The following MYH16 variants were observed in gnomAD, a reference collection of about 807,000 sequenced individuals.
MYH16 encodes putative uncharacterized protein MYH16.
At chr7:99,271,319 G>A (rs796851444) in intron 19 of MYH16, among the ~76,000 whole-genome samples, 1 of 152,302 alleles carries the variant, frequency 6.6e-6, no homozygotes, top group African/African-American at 2.4e-5. Flanking sequence ...GACCAGCCTG[G>A]CCAACATGGT....
chr7:99,250,088 G>C (rs73709615), intron 5 of MYH16: 1 of 152,792 alleles, frequency 6.5e-6, no homozygotes, highest in Admixed American at 6.5e-5. Context: ...AGAGCCGACC[G>C]GGTGGGCCCA....
chr7:99,276,789 G>A (rs559680749), intron 20 of MYH16, among the ~76,000 whole-genome samples: 13 of 152,246 alleles, frequency 8.5e-5, no homozygotes, highest in African/African-American at 2.9e-4. Context: ...GAGAGAGAGA[G>A]GGAGAGTAAG....
intron 5 of MYH16, among the ~76,000 whole-genome samples, chr7:99,250,334 C>T (rs1791795194): frequency 6.6e-6 from 1 of 152,180 alleles, no homozygotes; most frequent in South Asian, 2.1e-4. Context: ...GCCCCTTGTT[C>T]TTGGCAGAGG....
chr7:99,281,119 C>T (rs1168495920), intron 23 of MYH16, 139 bp downstream of exon 5: 1 of 193,594 alleles, frequency 5.2e-6, no homozygotes, highest in East Asian at 1.8e-4. Context: ...GTTAAGGAAT[C>T]TCCGTACATC....
chr7:99,297,439 A>AAATT (rs936962290), intron 34 of MYH16, among the ~76,000 whole-genome samples: 3 of 152,118 alleles, frequency 2.0e-5, no homozygotes, highest in Non-Finnish European at 2.9e-5. Context: ...TCCCAAAAAT[A>AAATT]AATTAATTAA....
intron 18 of MYH16, among the ~76,000 whole-genome samples, chr7:99,267,951 C>T (rs1246633106): frequency 6.6e-6 from 1 of 152,214 alleles, no homozygotes; most frequent in Admixed American, 6.5e-5. Context: ...CAAGTTCTCA[C>T]GCATGACGCA....
intron 33 of MYH16, among the ~76,000 whole-genome samples, chr7:99,295,180 AC>A (rs2150831393): frequency 6.6e-6 from 1 of 152,156 alleles, no homozygotes; most frequent in East Asian, 1.9e-4. Flanking sequence ...GGAGTTCGAC[AC>A]CAGCCTGGGC....
At chr7:99,305,304 CCT>C (rs1383603364) in intron 40 of MYH16, among the ~76,000 whole-genome samples, 1 of 152,114 alleles carries the variant, frequency 6.6e-6, no homozygotes, top group African/African-American at 2.4e-5. Flanking sequence ...TCTTTCCCTC[CCT>C]GTCACCTTCC....
chr7:99,283,098 C>T (rs1006544030), intron 23 of MYH16, among the ~76,000 whole-genome samples: 2 of 152,136 alleles, frequency 1.3e-5, no homozygotes, highest in Non-Finnish European at 2.9e-5. Context: ...ACCTATTTCC[C>T]ATATGCCCCC....
At chr7:99,255,184 G>A (rs1394850272) in intron 8 of MYH16, among the ~76,000 whole-genome samples, 2 of 152,108 alleles carry the variant, frequency 1.3e-5, no homozygotes, top group South Asian at 2.1e-4. Flanking sequence ...TGCAAGAATC[G>A]CTTGAACCCA....
chr7:99,277,931 G>GAC lies in MYH16; in HGVS notation n.2659+220_2659+221insCA, dbSNP rs936583888. On this transcript the variant is annotated intron_variant and non_coding_transcript_variant, in intron 21 of 41. Coordinates refer to ENST00000439784, the Ensembl canonical transcript of MYH16. ...TGTGTGTGTGTGAGAGAGAGAGAGA[G>GAC]AGAGAGACAGACAGACAGACAGACA... is the stretch of plus-strand genomic sequence containing the variant. Among the ~76,000 whole-genome samples the GAC allele has an allele frequency of 1.2e-4, 16 of 134,294 alleles. No individual in the cohort carries two copies. The East Asian group carries it at 1.2e-3, about 10-fold the overall frequency. The allele number at this position is 134,294 out of a possible 152,430, so 88.1% of individuals were successfully genotyped here.
At chr7:99,250,451 C>A (rs948693664) in intron 5 of MYH16, among the ~76,000 whole-genome samples, 6 of 152,162 alleles carry the variant, frequency 3.9e-5, no homozygotes, top group African/African-American at 1.4e-4. Context: ...CTCTAAAAGG[C>A]TGACAGCGGC....
At chr7:99,266,000 TGAG>T (rs1158302480) in intron 17 of MYH16, among the ~76,000 whole-genome samples, 3 of 152,226 alleles carry the variant, frequency 2.0e-5, no homozygotes, top group Admixed American at 6.5e-5. Context: ...AATCAGTGAC[TGAG>T]GAGAGCTGGT....
chr7:99,257,784 A>T (rs1791888781), intron 10 of MYH16, among the ~76,000 whole-genome samples: 2 of 151,970 alleles, frequency 1.3e-5, no homozygotes, highest in Admixed American at 1.3e-4. Flanking sequence ...AGTAGCTGGG[A>T]CTACAGTGCA....
chr7:99,278,156 T>C (rs576264988), intron 21 of MYH16, among the ~76,000 whole-genome samples: 83 of 152,176 alleles, frequency 5.5e-4, no homozygotes, highest in African/African-American at 1.9e-3. Flanking sequence ...TTGCCCAGGC[T>C]TGTCTCAAAC....
chr7:99,267,709 C>T (rs1230521261), intron 18 of MYH16, among the ~76,000 whole-genome samples: 2 of 152,168 alleles, frequency 1.3e-5, no homozygotes, highest in African/African-American at 4.8e-5. Flanking sequence ...ACTCATGGGG[C>T]CCGAGTTGCC....
rs778999937 is a variant in MYH16, at chr7:99,273,434, A to AG, written n.2485+15dup. 24 of 456,530 alleles carry AG rather than the reference A, an allele frequency of 5.3e-5. No individual in the cohort carries two copies. The highest frequency in any genetic ancestry group is 1.1e-4 in the Non-Finnish European group (24 of 226,982). 28.3% of individuals were successfully genotyped at this position (456,530 alleles called of 1,614,324 possible). A position where few individuals can be genotyped will look rare whatever the true frequency, so the allele number is the denominator to read the frequency against. ...AAGCTGTACAACAAGGTGAGGGCCGAGGGGCCAGGCCAGGGGGGACTGCTG... is the reference window on the plus strand; with the variant it reads ...AAGCTGTACAACAAGGTGAGGGCCGAGGGGGCCAGGCCAGGGGGGACTGCTG... On this transcript the variant is annotated intron_variant and non_coding_transcript_variant, in intron 20 of 41. Transcript: ENST00000439784.
chr7:99,309,380 C>T (rs1792727795), downstream of MYH16, among the ~76,000 whole-genome samples: 2 of 152,248 alleles, frequency 1.3e-5, no homozygotes, highest in South Asian at 2.1e-4. Flanking sequence ...TGGCCAAAAG[C>T]GATAACCCCA....
At chr7:99,293,710 G>T (rs1325848845) in intron 32 of MYH16, among the ~76,000 whole-genome samples, 2 of 152,158 alleles carry the variant, frequency 1.3e-5, no homozygotes, top group South Asian at 2.1e-4. Flanking sequence ...TGTATTGCCT[G>T]CCTCCTCCCA....
Sources: allele counts gnomAD v4.1 joint callset (sites outside exome capture counted in the v4.1 genomes callset), GRCh38; gene constraint gnomAD v4.1.1; transcripts MANE v1.5; gene names NCBI Gene and HGNC (gene_info 2026-07-23, HGNC 2026-07-21).